The following PKHD1 variants were observed in gnomAD, a reference collection of about 807,000 sequenced individuals.
PKHD1 encodes fibrocystin.
Under a neutral mutation model 412.0 loss-of-function variants are expected in PKHD1, and 291 were observed. The ratio of observed to expected loss-of-function variants is 0.71; its 90% CI spans 0.64 to 0.78. The LOEUF (loss-of-function observed/expected upper bound fraction) is 0.78, where lower values mean the gene tolerates loss of function less well. PKHD1 is among the 30% of genes least tolerant of loss of function. The pLI is 0.00. For missense variants in PKHD1, 4,825 were observed against 4,950.7 expected (o/e 0.97, Z 0.76); for synonymous variants, 1,777 against 1,821.5 (o/e 0.98, Z 0.62).
Position 52,048,450 on chromosome 6 carries a change from A to C in PKHD1, c.2407+42T>G, listed in dbSNP as rs78918693. On this transcript the variant is annotated intron_variant, in intron 23 of 66. Transcript: ENST00000371117. ...TGTTCCCTTGGGAATGTGAGTGAGA[A>C]TATGTGAGTGAGAATTGTTGCAACC... The C allele has an allele frequency of 2.1e-3, 3,375 of 1,598,156 alleles. 56 individuals are homozygous for C. The East Asian group carries it at 0.039, about 18-fold the overall frequency.
At chr6:51,915,698 T>TGAA (rs1335399543) in intron 37 of PKHD1, among the ~76,000 whole-genome samples, 3 of 151,922 alleles carry the variant, frequency 2.0e-5, no homozygotes, top group Non-Finnish European at 4.4e-5. Flanking sequence ...ACCCATGTGT[T>TGAA]CAGTACTCTC....
At chr6:51,934,744 G>A (rs865970864) in intron 36 of PKHD1, among the ~76,000 whole-genome samples, 1 of 152,018 alleles carries the variant, frequency 6.6e-6, no homozygotes, top group Non-Finnish European at 1.5e-5. Context: ...AATGTAACTA[G>A]GGCTAACACT....
At position 52,062,508 on chromosome 6, in the gene PKHD1, C is replaced by T. The variant is rs1489154277; in HGVS notation, c.1118+11G>A. On this transcript the variant is annotated intron_variant, in intron 14 of 66. Transcript: ENST00000371117. ...CTTTTGATGTGGGCTCCCACTTTTC[C>T]TACAACATACCTGAAAGGTTGTCCT... is the stretch of plus-strand genomic sequence containing the variant. 1.2e-6 allele frequency: 2 copies of T among 1,613,922 alleles called. No individual in the cohort carries two copies. Among genetic ancestry groups the T allele is most frequent in the South Asian group, 2.2e-5 (2 of 91,078 alleles).
intron 35 of PKHD1, among the ~76,000 whole-genome samples, chr6:51,987,223 A>G (rs774577054): frequency 6.6e-6 from 1 of 152,252 alleles, no homozygotes; most frequent in East Asian, 1.9e-4. Context: ...AAATAAATTG[A>G]TCTGGATTTG....
chr6:52,030,640 G>A (rs2128158461), intron 29 of PKHD1, among the ~76,000 whole-genome samples: 1 of 151,964 alleles, frequency 6.6e-6, no homozygotes, highest in South Asian at 2.1e-4. Flanking sequence ...ACAGTATTGG[G>A]CCACCATCCA....
rs200466480 is a variant in PKHD1, at chr6:51,748,541, G to A, written c.9075C>T (p.Gly3025=). 28 of 1,613,618 alleles carry A rather than the reference G, an allele frequency of 1.7e-5. No individual in the cohort carries two copies. Among genetic ancestry groups the A allele is most frequent in the African/African-American group, 9.3e-5 (7 of 75,032 alleles). ...GACTGGCAGCTGCATGAATGCCCCCGCCACAGCTCTGGTGCAGAGTAGATG... is the reference window on the plus strand; with the variant it reads ...GACTGGCAGCTGCATGAATGCCCCCACCACAGCTCTGGTGCAGAGTAGATG... The part of the protein sequence containing the change: ...IISSTLHQSC[G]GGIHAAASHG... Residue 3025 remains glycine, a synonymous_variant, in exon 58 of 67, where the codon GGC becomes GGT. Transcript: ENST00000371117.
intron 64 of PKHD1, among the ~76,000 whole-genome samples, chr6:51,637,335 G>A (rs112080123): frequency 9.9e-5 from 15 of 152,090 alleles, no homozygotes; most frequent in Admixed American, 3.3e-4. Flanking sequence ...GACACTACAC[G>A]TTTGTTATGA....
intron 35 of PKHD1, among the ~76,000 whole-genome samples, chr6:51,989,327 T>C (rs1796590884): frequency 6.6e-6 from 1 of 152,232 alleles, no homozygotes; most frequent in South Asian, 2.1e-4. Context: ...GTTTCAAGGC[T>C]AAAAAGGAGC....
chr6:52,058,195 AT>A, intron 16 of PKHD1, 127 bp downstream of exon 16: 1 of 819,412 alleles, frequency 1.2e-6, no homozygotes, highest in Non-Finnish European at 2.1e-6. Context: ...TTAAAGAGAT[AT>A]CCTATTTCTT....
At chr6:51,996,530 A>G (rs1458697370) in intron 35 of PKHD1, among the ~76,000 whole-genome samples, 3 of 152,122 alleles carry the variant, frequency 2.0e-5, no homozygotes, top group African/African-American at 7.2e-5. Flanking sequence ...CAAAAGAAAC[A>G]CCTAACTGAC....
rs1781683097 is a variant in PKHD1, at chr6:51,903,917, G to A, written c.6865+69C>T. ...AAGAGACCTAACATTTTGCCATCAG[G>A]CTTGTCTATAAAATATATGACAATT... On this transcript the variant is annotated intron_variant, in intron 42 of 66. Coordinates refer to ENST00000371117, the MANE Select transcript of PKHD1 (RefSeq NM_138694.4). 8 of 1,067,158 alleles carry A rather than the reference G, an allele frequency of 7.5e-6. No individual in the cohort carries two copies. In the South Asian group the frequency reaches 1.1e-4, roughly 14 times the overall value. 66.1% of individuals were successfully genotyped at this position (1,067,158 alleles called of 1,614,324 possible).
intron 60 of PKHD1, among the ~76,000 whole-genome samples, chr6:51,660,395 T>C (rs1462894873): frequency 1.3e-5 from 2 of 152,054 alleles, no homozygotes; most frequent in Non-Finnish European, 1.5e-5. Flanking sequence ...CAGCAACCAA[T>C]TCTCCAGTGG....
chr6:51,906,640 C>T (rs2127638753), intron 40 of PKHD1, among the ~76,000 whole-genome samples: 1 of 152,108 alleles, frequency 6.6e-6, no homozygotes, highest in South Asian at 2.1e-4. Flanking sequence ...AACTGGCTAT[C>T]ATCTTTAGTA....
At chr6:51,700,912 C>T (rs1779338413) in intron 60 of PKHD1, among the ~76,000 whole-genome samples, 2 of 152,058 alleles carry the variant, frequency 1.3e-5, no homozygotes, top group African/African-American at 4.8e-5. Context: ...TGATTGCATA[C>T]AGTTTTATTA....
chr6:51,774,219 T>C (rs1790625848), intron 54 of PKHD1, among the ~76,000 whole-genome samples: 1 of 152,052 alleles, frequency 6.6e-6, no homozygotes, highest in South Asian at 2.1e-4. Flanking sequence ...ATTTCTTAGT[T>C]GTTTCAAGAA....
intron 60 of PKHD1, chr6:51,721,693 A>T: frequency 1.6e-6 from 2 of 1,270,606 alleles, no homozygotes; most frequent in Non-Finnish European, 2.0e-6. Flanking sequence ...ATTCCCAAAG[A>T]TATCCTGACT....
chr6:52,081,234 G>T (rs1811981596), intron 4 of PKHD1, among the ~76,000 whole-genome samples: 1 of 152,148 alleles, frequency 6.6e-6, no homozygotes. Flanking sequence ...GCTTTGACTT[G>T]TTTCATGGCA....
intron 53 of PKHD1, among the ~76,000 whole-genome samples, chr6:51,779,014 T>C (rs1038089216): frequency 1.3e-5 from 2 of 152,116 alleles, no homozygotes; most frequent in African/African-American, 4.8e-5. Context: ...TGTCCCCTTT[T>C]GTGTGTAAAA....
At chr6:52,086,824 C>T (rs77056673) in intron 1 of PKHD1, among the ~76,000 whole-genome samples, 1,985 of 152,324 alleles carry the variant, frequency 0.013, 23 homozygotes, top group South Asian at 0.038. Context: ...TAGAATTCAA[C>T]TTATAAATAT....
Sources: allele counts gnomAD v4.1 joint callset (sites outside exome capture counted in the v4.1 genomes callset), GRCh38; gene constraint gnomAD v4.1.1; transcripts MANE v1.5; gene names NCBI Gene and HGNC (gene_info 2026-07-23, HGNC 2026-07-21).